Variants in ESR1 observed in about 807,000 individuals in gnomAD.
ESR1 encodes estrogen receptor 1, also known as estrogen receptor.
In ESR1, 12 loss-of-function variants were observed where a neutral mutation model predicts 52.7. That is an observed-to-expected ratio of 0.23 (90% CI 0.15 to 0.37). ESR1 has a LOEUF of 0.37. ESR1 is among the 10% of genes least tolerant of loss of function. ESR1 has a pLI of 1.00. For missense variants in ESR1, 584 were observed against 779.7 expected (o/e 0.75, Z 2.99); for synonymous variants, 305 against 316.8 (o/e 0.96, Z 0.39).
chr6:152,066,872 T>TA (rs1321802544), intron 6 of ESR1, among the ~76,000 whole-genome samples: 2 of 152,028 alleles, frequency 1.3e-5, no homozygotes, highest in Non-Finnish European at 2.9e-5. Context: ...CTGAGCCTAA[T>TA]AAAAAAATAG....
chr6:151,909,868 C>T (rs1013183613), intron 3 of ESR1, among the ~76,000 whole-genome samples: 4 of 151,998 alleles, frequency 2.6e-5, no homozygotes, highest in Non-Finnish European at 5.9e-5. Context: ...TTCACCAGAT[C>T]GCCAAGCTAG....
chr6:152,078,867 A>G (rs2048963613), intron 6 of ESR1, among the ~76,000 whole-genome samples: 1 of 152,220 alleles, frequency 6.6e-6, no homozygotes, highest in African/African-American at 2.4e-5. Flanking sequence ...AGACTTGCTC[A>G]CTGCTAGCGC....
intron 5 of ESR1, among the ~76,000 whole-genome samples, chr6:152,055,561 T>C (rs2047031052): frequency 3.3e-5 from 5 of 152,268 alleles, no homozygotes; most frequent in Admixed American, 3.3e-4. Flanking sequence ...TAATATTTCA[T>C]GGCCAAAAAC....
chr6:152,127,881 T>A (rs2054064687), exon 7 of ESR1: 2 of 152,236 alleles, frequency 1.3e-5, no homozygotes, highest in Admixed American at 1.3e-4. Context: ...GAATACATTT[T>A]TAAATGAGGG....
chr6:151,811,776 G>T (rs1234746191), intron 1 of ESR1, among the ~76,000 whole-genome samples: 2 of 151,974 alleles, frequency 1.3e-5, no homozygotes, highest in East Asian at 3.8e-4. Flanking sequence ...CTTTGTGCTG[G>T]TCTAAGAATA....
At chr6:151,806,989 A>G (rs543751339), upstream of ESR1, among the ~76,000 whole-genome samples, 1 of 152,306 alleles carries the variant, frequency 6.6e-6, no homozygotes, top group South Asian at 2.1e-4. Flanking sequence ...AGTCAGGCTG[A>G]GAGAATCTCA....
intron 1 of ESR1, among the ~76,000 whole-genome samples, chr6:151,836,577 A>G (rs933827131): frequency 6.6e-6 from 1 of 152,256 alleles, no homozygotes; most frequent in Non-Finnish European, 1.5e-5. Context: ...AAACCATATC[A>G]AGGACCTACT....
At chr6:151,708,094 C>G (rs912756310) in intron 2 of ESR1, among the ~76,000 whole-genome samples, 1 of 151,908 alleles carries the variant, frequency 6.6e-6, no homozygotes, top group Admixed American at 6.6e-5. Flanking sequence ...CTCACACAAC[C>G]CAATATTTAC....
chr6:152,085,758 TCA>T (rs1433206105), intron 6 of ESR1, among the ~76,000 whole-genome samples: 2 of 152,138 alleles, frequency 1.3e-5, no homozygotes, highest in African/African-American at 2.4e-5. Context: ...TGGTAATGTG[TCA>T]CTTCCAGCCC....
At chr6:151,786,256 C>T (rs1429108617) in intron 2 of ESR1, among the ~76,000 whole-genome samples, 3 of 152,086 alleles carry the variant, frequency 2.0e-5, no homozygotes, top group African/African-American at 4.8e-5. Flanking sequence ...TCTAGTGGGG[C>T]CAGGACCAAC....
At chr6:152,084,904 TG>T (rs1487157136) in intron 6 of ESR1, among the ~76,000 whole-genome samples, 1 of 152,150 alleles carries the variant, frequency 6.6e-6, no homozygotes, top group Admixed American at 6.5e-5. Context: ...ACCTTGGTGG[TG>T]ATCAGACTAA....
chr6:151,764,064 T>C (rs1784857937), intron 2 of ESR1, among the ~76,000 whole-genome samples: 1 of 151,974 alleles, frequency 6.6e-6, no homozygotes, highest in African/African-American at 2.4e-5. Flanking sequence ...GGGGTGTGGC[T>C]CTCCTGTCTC....
chr6:151,902,420 G>C (rs1327145715), intron 3 of ESR1, among the ~76,000 whole-genome samples: 2 of 152,078 alleles, frequency 1.3e-5, no homozygotes, highest in Non-Finnish European at 2.9e-5. Flanking sequence ...TGTGGTTCCA[G>C]TCTCATAGAA....
chr6:151,923,678 C>T (rs1012507320), intron 3 of ESR1, among the ~76,000 whole-genome samples: 1 of 152,160 alleles, frequency 6.6e-6, no homozygotes, highest in Non-Finnish European at 1.5e-5. Flanking sequence ...TTTTTAATCA[C>T]TGAATAATAC....
chr6:151,996,041 A>C (rs2041451034), intron 4 of ESR1, among the ~76,000 whole-genome samples: 1 of 152,178 alleles, frequency 6.6e-6, no homozygotes, highest in Non-Finnish European at 1.5e-5. Context: ...TCACAGCTGC[A>C]TCACACTGAA....
At chr6:151,859,903 C>T (rs1448121025) in intron 2 of ESR1, among the ~76,000 whole-genome samples, 2 of 152,132 alleles carry the variant, frequency 1.3e-5, no homozygotes, top group South Asian at 2.1e-4. Context: ...TTGTGAATGG[C>T]ACCCTGGTTC....
At chr6:151,860,209 T>C (rs1788617535) in intron 2 of ESR1, among the ~76,000 whole-genome samples, 1 of 152,176 alleles carries the variant, frequency 6.6e-6, no homozygotes, top group Non-Finnish European at 1.5e-5. Context: ...ATGAAATGAT[T>C]ACTGCAGTCA....
chr6:151,962,658 C>T (rs1023721280), intron 4 of ESR1, among the ~76,000 whole-genome samples: 6 of 152,216 alleles, frequency 3.9e-5, no homozygotes, highest in African/African-American at 1.4e-4. Context: ...CCCCCTATCT[C>T]GCCCAAGCCT....
intron 5 of ESR1, among the ~76,000 whole-genome samples, chr6:152,014,324 C>T (rs753739210): frequency 1.3e-5 from 2 of 152,150 alleles, no homozygotes; most frequent in Non-Finnish European, 2.9e-5. Flanking sequence ...CCAGTAGCAA[C>T]CTCCACTTCC....
Sources: allele counts gnomAD v4.1 joint callset (sites outside exome capture counted in the v4.1 genomes callset), GRCh38; gene constraint gnomAD v4.1.1; transcripts MANE v1.5; gene names NCBI Gene and HGNC (gene_info 2026-07-23, HGNC 2026-07-21).